TBC1D5: variants seen among roughly 807,000 people sequenced by gnomAD.
The protein encoded by TBC1D5 is TBC1 domain family, member 5.
In TBC1D5, 75 loss-of-function variants were observed where a neutral mutation model predicts 100.3. The ratio of observed to expected loss-of-function variants is 0.75; its 90% CI spans 0.62 to 0.91. The LOEUF (loss-of-function observed/expected upper bound fraction) is 0.91, where lower values mean the gene tolerates loss of function less well. TBC1D5 is among the 40% of genes least tolerant of loss of function. TBC1D5 has a pLI of 0.00. For synonymous variants in TBC1D5, 323 were observed against 325.6 expected (o/e 0.99, Z 0.09); for missense variants, 910 against 942.4 (o/e 0.97, Z 0.45).
chr3:17,432,108 T>A (rs1015217054), intron 3 of TBC1D5, among the ~76,000 whole-genome samples: 1 of 152,152 alleles, frequency 6.6e-6, no homozygotes, highest in African/African-American at 2.4e-5. Flanking sequence ...TCACACTAGG[T>A]ATGAATTCTG....
chr3:17,646,649 AT>A (rs1463482307), intron 1 of TBC1D5, among the ~76,000 whole-genome samples: 1 of 152,144 alleles, frequency 6.6e-6, no homozygotes, highest in Non-Finnish European at 1.5e-5. Context: ...TCACGAAATA[AT>A]CCCCATGTCC....
chr3:17,686,553 A>C (rs1231528641), intron 1 of TBC1D5, among the ~76,000 whole-genome samples: 1 of 152,146 alleles, frequency 6.6e-6, no homozygotes, highest in Non-Finnish European at 1.5e-5. Context: ...TTTTCAGTGA[A>C]GGAAACTGAG....
chr3:17,468,772 T>C (rs1461292331), intron 3 of TBC1D5, among the ~76,000 whole-genome samples: 1 of 152,224 alleles, frequency 6.6e-6, no homozygotes, highest in African/African-American at 2.4e-5. Context: ...AACTGCAGGC[T>C]GTTTCATAAT....
In TBC1D5 at chr3:17,682,855, T is replaced by C. The variant is rs948986163; in HGVS notation, c.-101+56488A>G. ...ACTTTTAGTGATTCATATAGTACCC[T>C]ACCGGTCACATAGATGCAGTCAGTT... On this transcript the variant is annotated intron_variant, in intron 1 of 21. Transcript: ENST00000253692. Among the ~76,000 whole-genome samples the C allele has an allele frequency of 2.8e-4, 43 of 151,528 alleles. 1 individual carries two copies. Among genetic ancestry groups the C allele is most frequent in the African/African-American group, 9.6e-4 (39 of 40,796 alleles).
chr3:17,198,604 G>A (rs2071035854), intron 18 of TBC1D5, among the ~76,000 whole-genome samples: 1 of 152,100 alleles, frequency 6.6e-6, no homozygotes, highest in Non-Finnish European at 1.5e-5. Flanking sequence ...AAATGCCCTA[G>A]AAGACATGGT....
At chr3:17,735,753 C>A (rs1314502559) in intron 1 of TBC1D5, among the ~76,000 whole-genome samples, 1 of 152,196 alleles carries the variant, frequency 6.6e-6, no homozygotes, top group Non-Finnish European at 1.5e-5. Context: ...GGATCAGGAG[C>A]ACAGCGGACA....
chr3:17,454,189 C>A (rs907231721), intron 3 of TBC1D5, among the ~76,000 whole-genome samples: 1 of 152,088 alleles, frequency 6.6e-6, no homozygotes, highest in East Asian at 1.9e-4. Flanking sequence ...AAATTGAAAG[C>A]CTTTTCTTTA....
At chr3:17,292,464 G>A (rs978565558) in intron 14 of TBC1D5, among the ~76,000 whole-genome samples, 2 of 152,024 alleles carry the variant, frequency 1.3e-5, no homozygotes, top group South Asian at 2.1e-4. Context: ...TAAACATTAC[G>A]TAACTCAAAA....
At chr3:17,369,878 CAA>C (rs1370014355) in intron 13 of TBC1D5, among the ~76,000 whole-genome samples, 2 of 151,808 alleles carry the variant, frequency 1.3e-5, no homozygotes, top group Non-Finnish European at 2.9e-5. Context: ...ATCTATTCTT[CAA>C]AGATTAAAAA....
chr3:17,361,153 C>A (rs556075034), intron 13 of TBC1D5, among the ~76,000 whole-genome samples: 1 of 151,934 alleles, frequency 6.6e-6, no homozygotes, highest in South Asian at 2.1e-4. Context: ...TAACTATTTA[C>A]GTGACTGGAA....
At chr3:17,549,527 A>G (rs745741034) in intron 2 of TBC1D5, among the ~76,000 whole-genome samples, 5 of 152,228 alleles carry the variant, frequency 3.3e-5, no homozygotes, top group Non-Finnish European at 7.3e-5. Flanking sequence ...AACAATTAAG[A>G]AAACAAGCCT....
rs9811514 is a variant in TBC1D5 at position 17,253,270 on chromosome 3, G to A, written c.1331+5236C>T. ...GAAGCCAAGGAGTCCATGGTTATCA[G>A]TATTAGTAATTTGTTGATCAGAATT... is the stretch of plus-strand genomic sequence containing the variant. On this transcript the variant is annotated intron_variant, in intron 16 of 21. Transcript: ENST00000253692. 1.1e-3 allele frequency among the ~76,000 whole-genome samples: 172 copies of A among 152,246 alleles called. 1 individual carries two copies. The highest frequency in any genetic ancestry group is 3.9e-3 in the African/African-American group (160 of 41,546).
intron 1 of TBC1D5, among the ~76,000 whole-genome samples, chr3:17,720,636 T>C (rs2075621160): frequency 6.6e-6 from 1 of 151,998 alleles, no homozygotes; most frequent in African/African-American, 2.4e-5. Flanking sequence ...AGGGAGACCC[T>C]GCCTCTAAAA....
chr3:17,569,423 T>C (rs997067702), intron 2 of TBC1D5, among the ~76,000 whole-genome samples: 1 of 151,954 alleles, frequency 6.6e-6, no homozygotes, highest in Non-Finnish European at 1.5e-5. Flanking sequence ...TCATGACATA[T>C]TGATTCAACA....
At chr3:17,182,878 T>A (rs921264315) in intron 19 of TBC1D5, among the ~76,000 whole-genome samples, 11 of 152,272 alleles carry the variant, frequency 7.2e-5, no homozygotes, top group African/African-American at 9.6e-5. Flanking sequence ...TGTTTTTTTT[T>A]AAATTATTAT....
intron 1 of TBC1D5, among the ~76,000 whole-genome samples, chr3:17,668,075 T>C (rs1277009833): frequency 2.0e-5 from 3 of 150,420 alleles, no homozygotes; most frequent in East Asian, 3.9e-4. Flanking sequence ...CTCCCTGTAA[T>C]CTAATAAAGG....
At chr3:17,601,164 T>C (rs2060911318) in intron 2 of TBC1D5, among the ~76,000 whole-genome samples, 1 of 152,202 alleles carries the variant, frequency 6.6e-6, no homozygotes, top group Non-Finnish European at 1.5e-5. Flanking sequence ...TATATAGTCA[T>C]TGAAATAACA....
At chr3:17,373,255 C>T (rs969197431) in intron 12 of TBC1D5, among the ~76,000 whole-genome samples, 3 of 152,004 alleles carry the variant, frequency 2.0e-5, no homozygotes, top group Admixed American at 6.6e-5. Flanking sequence ...TGAAAAACAT[C>T]GATTAACTAT....
intron 1 of TBC1D5, among the ~76,000 whole-genome samples, chr3:17,650,164 G>A (rs533277115): frequency 1.3e-5 from 2 of 152,180 alleles, no homozygotes; most frequent in African/African-American, 2.4e-5. Context: ...CTGGGGAAGG[G>A]ATAGCATTAG....
Sources: allele counts gnomAD v4.1 joint callset (sites outside exome capture counted in the v4.1 genomes callset), GRCh38; gene constraint gnomAD v4.1.1; transcripts MANE v1.5; gene names NCBI Gene and HGNC (gene_info 2026-07-23, HGNC 2026-07-21).